ABCA13: variants seen among roughly 807,000 people sequenced by gnomAD.
ABCA13 encodes ATP binding cassette subfamily A member 13.
Under a neutral mutation model 478.7 loss-of-function variants are expected in ABCA13, and 476 were observed. That is an observed-to-expected ratio of 0.99 (90% CI 0.92 to 1.07). The LOEUF is 1.07. Ranked by LOEUF, ABCA13 falls within the 50% of genes least tolerant of loss-of-function variation. The pLI is 0.00. For missense variants in ABCA13, 6,060 were observed against 5,910.6 expected, an observed-to-expected ratio of 1.03 and a Z score of -0.83; for synonymous variants, 2,252 against 2,158.9, an observed-to-expected ratio of 1.04 and a Z score of -1.20.
intron 42 of ABCA13, among the ~76,000 whole-genome samples, chr7:48,452,975 A>G (rs2129186557): frequency 6.6e-6 from 1 of 152,348 alleles, no homozygotes; most frequent in Middle Eastern, 3.4e-3. Flanking sequence ...AAAATCATCA[A>G]GAAGAGTGTA....
At chr7:48,309,769 T>A (rs1479428052) in intron 23 of ABCA13, among the ~76,000 whole-genome samples, 178 bp from the exon 24 acceptor site, 3 of 152,172 alleles carry the variant, frequency 2.0e-5, no homozygotes, top group Admixed American at 1.3e-4. Context: ...TTCAGAAACA[T>A]TTCCATCAAA....
intron 3 of ABCA13, among the ~76,000 whole-genome samples, chr7:48,207,966 AT>A (rs886094197): frequency 8.0e-4 from 121 of 151,300 alleles, no homozygotes; most frequent in Middle Eastern, 3.4e-3. Context: ...ATCAATTTTG[AT>A]TTTTTTTTAA....
chr7:48,385,491 T>G (rs1027406685), intron 35 of ABCA13, among the ~76,000 whole-genome samples: 8 of 152,188 alleles, frequency 5.3e-5, no homozygotes, highest in African/African-American at 1.9e-4. Flanking sequence ...ATGATCTCAT[T>G]CCTTTTTATG....
intron 3 of ABCA13, among the ~76,000 whole-genome samples, chr7:48,210,462 T>G (rs1002336663): frequency 4.1e-4 from 62 of 152,204 alleles, no homozygotes; most frequent in African/African-American, 1.5e-3. Flanking sequence ...ACTTTTGTGA[T>G]GTAGGCATTT....
chr7:48,546,638 T>G (rs762820646), intron 55 of ABCA13, among the ~76,000 whole-genome samples: 1 of 151,768 alleles, frequency 6.6e-6, no homozygotes, highest in East Asian at 1.9e-4. Flanking sequence ...TATATGCAAC[T>G]GGGATAAACT....
At chr7:48,319,163 A>G (rs1199892312) in intron 27 of ABCA13, among the ~76,000 whole-genome samples, 1 of 152,170 alleles carries the variant, frequency 6.6e-6, no homozygotes, top group Non-Finnish European at 1.5e-5. Context: ...GCCTGGACAG[A>G]GGTGTGGGGA....
At chr7:48,550,415 A>G (rs917344418) in intron 55 of ABCA13, among the ~76,000 whole-genome samples, 2 of 151,052 alleles carry the variant, frequency 1.3e-5, no homozygotes, top group Admixed American at 6.6e-5. Flanking sequence ...CTGCCACCAT[A>G]CCTGGCTAAT....
intron 58 of ABCA13, among the ~76,000 whole-genome samples, chr7:48,604,721 G>A (rs934071037): frequency 2.5e-4 from 38 of 152,270 alleles, no homozygotes; most frequent in Non-Finnish European, 4.0e-4. Flanking sequence ...GGGGTGGAGA[G>A]TTCTGTAGAT....
chr7:48,177,709 A>C (rs139491985), intron 1 of ABCA13, among the ~76,000 whole-genome samples: 140,690 of 152,258 alleles, frequency 0.92, 65,756 homozygotes, highest in Non-Finnish European at 0.99. Flanking sequence ...AGTGCAGGTG[A>C]GATGGAACTC....
Position 48,279,011 on chromosome 7 carries a change from C to T in ABCA13, c.7817C>T (p.Pro2606Leu), listed in dbSNP as rs375519517. The change falls in exon 18 of 62, where the codon CCT becomes CTT. Residue 2606 changes from proline to leucine, a missense_variant. By Grantham distance (98) the Pro-to-Leu change is moderately conservative. Transcript: ENST00000435803. ...GCCTTTGAAATGATTGGGGTAGAAC[C>T]TTATATATCATCAAACTCTGATATT... ...DLAFEMIGVE[P>L]YISSNSDIFS... is the part of the protein sequence containing the mutation. The T allele has an allele frequency of 7.1e-5, 115 of 1,613,152 alleles. 2 individuals carry two copies. The African/African-American group carries it at 9.5e-4, about 13-fold the overall frequency.
intron 4 of ABCA13, among the ~76,000 whole-genome samples, chr7:48,219,931 C>CACAG (rs1321179260): frequency 1.4e-5 from 2 of 144,270 alleles, no homozygotes; most frequent in African/African-American, 5.1e-5. Context: ...CACACACACA[C>CACAG]ACATTCCCAA....
intron 9 of ABCA13, among the ~76,000 whole-genome samples, 200 bp from the exon 10 acceptor site, chr7:48,240,667 A>T (rs1261688911): frequency 6.6e-6 from 1 of 152,222 alleles, no homozygotes; most frequent in Non-Finnish European, 1.5e-5. Context: ...AGTTGTGTGC[A>T]TCCATTGTTG....
chr7:48,469,845 A>G (rs912492886), intron 44 of ABCA13, among the ~76,000 whole-genome samples: 1 of 151,746 alleles, frequency 6.6e-6, no homozygotes, highest in Non-Finnish European at 1.5e-5. Context: ...ACTTGAGCCC[A>G]GGAGGCGGAG....
At chr7:48,440,495 C>G (rs1179333826) in intron 42 of ABCA13, among the ~76,000 whole-genome samples, 1 of 152,050 alleles carries the variant, frequency 6.6e-6, no homozygotes. Context: ...CCGTTTATGT[C>G]AAAATTTATT....
At position 48,455,216 on chromosome 7, in the gene ABCA13, C is replaced by A; in HGVS notation, c.12745C>A (p.Leu4249Met). The A allele has an allele frequency of 6.2e-7, 1 of 1,600,008 alleles. No homozygotes were observed. Among genetic ancestry groups the A allele is most frequent in the East Asian group, 2.3e-5 (1 of 44,160 alleles). Residue 4249 changes from leucine (L) to methionine (M), a missense_variant, in exon 43 of 62, where the codon CTG becomes ATG. Physicochemically the swap from Leu to Met is conservative, Grantham distance 15 (BLOSUM62 2). Transcript: ENST00000435803. ...CATGGGCTTGTTCATGGTGAGACCC[C>A]TGGCCACCGAGTACCCTCCCCTCAG... ...LAMGLFMVRP[L>M]ATEYPPLRLT...
chr7:48,362,594 T>C (rs985823827), intron 31 of ABCA13, among the ~76,000 whole-genome samples: 3 of 151,634 alleles, frequency 2.0e-5, no homozygotes, highest in Admixed American at 2.0e-4. Context: ...AAATTATATA[T>C]AGTCTTGCCT....
intron 27 of ABCA13, among the ~76,000 whole-genome samples, chr7:48,318,977 G>A (rs1802997732): frequency 6.6e-6 from 1 of 152,196 alleles, no homozygotes; most frequent in South Asian, 2.1e-4. Context: ...TTGTGGGGAA[G>A]AGAAGGCAAA....
At chr7:48,340,874 C>A (rs1482315021) in intron 29 of ABCA13, among the ~76,000 whole-genome samples, 5 of 152,208 alleles carry the variant, frequency 3.3e-5, no homozygotes, top group Admixed American at 3.3e-4. Context: ...TTCCATTTCA[C>A]TCCATAGTAT....
chr7:48,316,885 T>C lies in ABCA13; in HGVS notation c.9860-272T>C, dbSNP rs1802667175. Among the ~76,000 whole-genome samples, 3 of 152,232 alleles carry C rather than the reference T, an allele frequency of 2.0e-5. No individual in the cohort carries two copies. The South Asian group carries it at 6.2e-4, about 32-fold the overall frequency. ...AGAGTGAGAACTACACTCATTACTGTGACAATGGCACCGAAACATTCATGA... is the reference window on the plus strand; with the variant it reads ...AGAGTGAGAACTACACTCATTACTGCGACAATGGCACCGAAACATTCATGA... On this transcript the variant is annotated intron_variant, in intron 26 of 61. Coordinates refer to ENST00000435803, the MANE Select transcript of ABCA13 (RefSeq NM_152701.5).
Sources: allele counts gnomAD v4.1 joint callset (sites outside exome capture counted in the v4.1 genomes callset), GRCh38; gene constraint gnomAD v4.1.1; transcripts MANE v1.5; gene names NCBI Gene and HGNC (gene_info 2026-07-23, HGNC 2026-07-21).